Variants in IGF2 observed in about 807,000 individuals in gnomAD.
The protein encoded by IGF2 is insulin-like growth factor 2.
IGF2 carries 2 observed loss-of-function variants against 12.0 expected under a neutral mutation model. That is an observed-to-expected ratio of 0.17 (90% CI 0.07 to 0.52). IGF2 has a LOEUF of 0.52. IGF2 is among the 20% of genes least tolerant of loss of function. IGF2 has a pLI of 0.95. For missense variants in IGF2, 211 were observed against 268.0 expected (o/e 0.79, Z 1.48); for synonymous variants, 105 against 110.1 (o/e 0.95, Z 0.29).
At position 2,135,517 on chromosome 11, in the gene IGF2, T is replaced by A. The variant is rs1340808708; in HGVS notation, c.7A>T (p.Ile3Phe). Reference protein sequence around the residue: MGIPMGKSMLVLL... With the variant: MGFPMGKSMLVLL... ...ACCAGCATCGACTTCCCCATTGGGA[T>A]TCCCATTGGTGTCTGGGGGCGGGAG... is the stretch of plus-strand genomic sequence containing the variant. The change falls in exon 2 of 4, where the codon ATC (isoleucine) becomes TTC (phenylalanine). Residue 3 changes from isoleucine (I) to phenylalanine (F), a missense_variant. Transcript: ENST00000416167. 1 of 1,613,252 alleles carries A rather than the reference T, an allele frequency of 6.2e-7. No individual in the cohort carries two copies. The highest frequency in any genetic ancestry group is 8.5e-7 in the Non-Finnish European group (1 of 1,179,670).
chr11:2,134,324 C>A, intron 2 of IGF2: 1 of 356,194 alleles, frequency 2.8e-6, no homozygotes, highest in East Asian at 1.5e-4. Context: ...TCACGGGGGT[C>A]CCCCAAGTGG....
At chr11:2,136,805 C>T (rs1859092113) in intron 1 of IGF2, among the ~76,000 whole-genome samples, 1 of 152,254 alleles carries the variant, frequency 6.6e-6, no homozygotes, top group South Asian at 2.1e-4. Context: ...TAAGAGCACA[C>T]TCCGCCAGCT....
At chr11:2,137,854 G>C (rs1008038232) in intron 1 of IGF2, among the ~76,000 whole-genome samples, 2 of 152,102 alleles carry the variant, frequency 1.3e-5, no homozygotes, top group Non-Finnish European at 2.9e-5. Context: ...GCGGCTCCGC[G>C]CCCCTCCTCG....
rs1858741155 is a variant in IGF2, at chr11:2,133,208, A to G, written c.322T>C (p.Tyr108His). The G allele has an allele frequency of 6.4e-7, 1 of 1,554,352 alleles. No individual in the cohort carries two copies. Among genetic ancestry groups the G allele is most frequent in the African/African-American group, 1.4e-5 (1 of 73,380 alleles). Residue 108 changes from tyrosine (Y) to histidine (H), a missense_variant, in exon 4 of 4, where the codon TAC becomes CAC. Physicochemically the swap from Tyr to His is moderately conservative, Grantham distance 83. Around this residue, in one of 3 missense-constraint regions of IGF2, gnomAD observed 141 missense variants for 153.1 expected, o/e 0.92. Coordinates refer to ENST00000416167, the MANE Select transcript of IGF2 (RefSeq NM_000612.6). This position sits in a 1 kb window ranked among gnomAD's most constrained non-coding sequence, Gnocchi z 8.9. ...TATTGGAAGAACTTGCCCACGGGGT[A>G]TCTGGGGAAGTTGTCCTGGGAGGGG... Reference protein sequence around the residue: ...PTVLPDNFPRYPVGKFFQYDT... With the variant: ...PTVLPDNFPRHPVGKFFQYDT...
Position 2,133,003 on chromosome 11 carries a change from G to A in IGF2, c.527C>T (p.Ala176Val). ...PAHGGAPPEM[A>V]SNRK ...CAGTTTTGCTCACTTCCGATTGCTG[G>A]CCATCTCTGGGGGGGCGCCCCCGTG... is the stretch of plus-strand genomic sequence containing the variant. Residue 176 changes from alanine (A) to valine (V), a missense_variant, in exon 4 of 4, where the codon GCC (alanine) becomes GTC (valine). This residue lies in a region of IGF2 where 141 missense variants were observed against 153.1 expected (regional missense o/e 0.92). Transcript: ENST00000416167. This position sits in a 1 kb window ranked among gnomAD's most constrained non-coding sequence, Gnocchi z 8.9. The A allele has an allele frequency of 1.3e-6, 2 of 1,535,164 alleles. No homozygotes were observed. Among genetic ancestry groups the A allele is most frequent in the Non-Finnish European group, 1.8e-6 (2 of 1,141,190 alleles).
rs748117121 is a variant in IGF2 at position 2,133,566 on chromosome 11, G to T, written c.257C>A (p.Thr86Asn). 1.9e-6 allele frequency: 3 copies of T among 1,613,140 alleles called. No individual in the cohort carries two copies. The highest frequency in any genetic ancestry group is 1.7e-6 in the Non-Finnish European group (2 of 1,180,008). ...DLALLETYCA[T>N]PAKSERDVST... ...CACGTCCCTCTCGGACTTGGCGGGGGTAGCACAGTACGTCTCCAGGAGGGC... is the reference window on the plus strand; with the variant it reads ...CACGTCCCTCTCGGACTTGGCGGGGTTAGCACAGTACGTCTCCAGGAGGGC... Residue 86 changes from threonine to asparagine, a missense_variant, in exon 3 of 4, where the codon ACC becomes AAC. Around this residue, in one of 3 missense-constraint regions of IGF2, gnomAD observed 141 missense variants for 153.1 expected, o/e 0.92. Transcript: ENST00000416167. This position sits in a 1 kb window ranked among gnomAD's most constrained non-coding sequence, Gnocchi z 8.9.
At chr11:2,145,775 C>T (rs549711437), upstream of IGF2, among the ~76,000 whole-genome samples, 1 of 152,224 alleles carries the variant, frequency 6.6e-6, no homozygotes, top group Admixed American at 6.5e-5. Context: ...GAGTGCTCTC[C>T]TTATTTAGTC....
chr11:2,139,136 G>C lies in IGF2; in HGVS notation c.-914C>G, dbSNP rs1174741064. On this transcript the variant is annotated 5_prime_UTR_variant, in exon 1 of 4. Transcript: ENST00000416167. ...GGGGAACCGCCTCCTCGGGCGAAGCGGGGATGGGGGGAGTTGAGGTAGATG... is the reference window on the plus strand; with the variant it reads ...GGGGAACCGCCTCCTCGGGCGAAGCCGGGATGGGGGGAGTTGAGGTAGATG... 1 of 152,958 alleles carries C rather than the reference G, an allele frequency of 6.5e-6. No homozygotes were observed. The highest frequency in any genetic ancestry group is 1.4e-5 in the Non-Finnish European group (1 of 69,104). 9.5% of individuals were successfully genotyped at this position (152,958 alleles called of 1,614,324 possible).
rs1425335494 is a variant in IGF2 at position 2,133,161 on chromosome 11, G to A, written c.369C>T (p.Thr123=). The change falls in exon 4 of 4, where the codon ACC becomes ACT. Residue 123 remains threonine (T), a synonymous_variant. Coordinates refer to ENST00000416167, the MANE Select transcript of IGF2 (RefSeq NM_000612.6). The surrounding 1 kb of genome is among the most constrained non-coding windows in gnomAD (Gnocchi z 8.9). ...FFQYDTWKQS[T]QRLRRGLPAL... The stretch of plus-strand genomic sequence containing the variant: ...CAGGCAGGCCCCTGCGCAGGCGCTG[G>A]GTGGACTGCTTCCAGGTGTCATATT... 6 of 1,596,416 alleles carry A rather than the reference G, an allele frequency of 3.8e-6. No individual in the cohort carries two copies. The highest frequency in any genetic ancestry group is 1.7e-5 in the Admixed American group (1 of 57,344).
chr11:2,149,127 T>C, the IGF2 span: 4 of 1,612,872 alleles, frequency 2.5e-6, no homozygotes, highest in South Asian at 2.2e-5. Context: ...CCCAGTTACC[T>C]GTACTCTAGT....
In IGF2 at chr11:2,131,870, CGT is replaced by C. The variant is rs745570290; in HGVS notation, c.*1115_*1116del. 57 of 92,346 alleles carry C rather than the reference CGT, an allele frequency of 6.2e-4. No homozygotes were observed. Among genetic ancestry groups the C allele is most frequent in the Middle Eastern group, 0.016 (2 of 128 alleles). The allele number at this position is 92,346 out of a possible 1,614,324, so 5.7% of individuals were successfully genotyped here. ...TGTGCTCGTGTGTGTGCTGTGTGTGCGTGTGTGCTGTGCGTTTGTGTGTGCTG... is the reference window on the plus strand; with the variant it reads ...TGTGCTCGTGTGTGTGCTGTGTGTGCGTGTGCTGTGCGTTTGTGTGTGCTG... On this transcript the variant is annotated 3_prime_UTR_variant, in exon 4 of 4. Transcript: ENST00000416167.
At chr11:2,139,397 G>C (rs1457522611), upstream of IGF2, 3 of 148,284 alleles carry the variant, frequency 2.0e-5, no homozygotes, top group Non-Finnish European at 3.0e-5. Flanking sequence ...GGCGAACTGC[G>C]GGCGCCCACG....
At position 2,130,865 on chromosome 11, in the gene IGF2, T is replaced by G. The variant is rs935026808; in HGVS notation, c.*2122A>C. 72 of 166,182 alleles carry G rather than the reference T, an allele frequency of 4.3e-4. No homozygotes were observed. The highest frequency in any genetic ancestry group is 1.8e-3 in the African/African-American group (68 of 38,292). The allele number at this position is 166,182 out of a possible 1,614,324, so 10.3% of individuals were successfully genotyped here. A position where few individuals can be genotyped will look rare whatever the true frequency, so the allele number is the denominator to read the frequency against. On this transcript the variant is annotated 3_prime_UTR_variant, in exon 4 of 4. Coordinates refer to ENST00000416167, the MANE Select transcript of IGF2 (RefSeq NM_000612.6). ...CGAGGACTCCACATTTCTTGGGGGG[T>G]CCCCAGGAGACGGGCAAAGATGATC... is the stretch of plus-strand genomic sequence containing the variant.
chr11:2,147,732 C>A, the IGF2 span: 1 of 1,249,386 alleles, frequency 8.0e-7, no homozygotes, highest in South Asian at 4.1e-5. The surrounding 1 kb of genome is among the most constrained non-coding windows in gnomAD (Gnocchi z 7.2). Flanking sequence ...GCTGAGCTGG[C>A]AGCGATTCAG....
chr11:2,129,672 C>T lies in IGF2; in HGVS notation c.*3315G>A, dbSNP rs552284844. The T allele has an allele frequency of 6.3e-4, 147 of 231,650 alleles. No individual in the cohort carries two copies. The highest frequency in any genetic ancestry group is 2.4e-3 in the African/African-American group (109 of 45,360). The allele number at this position is 231,650 out of a possible 1,614,324, so 14.3% of individuals were successfully genotyped here. ...AATGGCCCACTCACAGGGCGCTTGCCGAGGGACCCTCTGCGACTGAGGCGG... is the reference window on the plus strand; with the variant it reads ...AATGGCCCACTCACAGGGCGCTTGCTGAGGGACCCTCTGCGACTGAGGCGG... On this transcript the variant is annotated 3_prime_UTR_variant, in exon 4 of 4. Transcript: ENST00000416167. This position sits in a 1 kb window ranked among gnomAD's most constrained non-coding sequence, Gnocchi z 8.1.
Position 2,131,977 on chromosome 11 carries a change from C to T in IGF2, c.*1010G>A, listed in dbSNP as rs1485704862. On this transcript the variant is annotated 3_prime_UTR_variant, in exon 4 of 4. Transcript: ENST00000416167. The stretch of plus-strand genomic sequence containing the variant: ...TGTGTGCTGTGTGTGCATGTGTGTG[C>T]GTGTGTGTGCTGTGCGTTTGTGTGT... The T allele has an allele frequency of 2.8e-4, 27 of 96,854 alleles. No homozygotes were observed. The highest frequency in any genetic ancestry group is 4.4e-4 in the Non-Finnish European group (24 of 55,028). The allele number at this position is 96,854 out of a possible 1,614,324, so 6.0% of individuals were successfully genotyped here.
rs1858632321 is a variant in IGF2, at chr11:2,131,992, CGT to C, written c.*993_*994del. On this transcript the variant is annotated 3_prime_UTR_variant, in exon 4 of 4. Transcript: ENST00000416167. ...CATGTGTGTGCGTGTGTGTGCTGTG[CGT>C]TTGTGTGTGTGCTGTGTGCTCATCT... The C allele has an allele frequency of 1.1e-5, 1 of 92,184 alleles. No individual in the cohort carries two copies. The highest frequency in any genetic ancestry group is 5.5e-5 in the African/African-American group (1 of 18,130). 5.7% of individuals were successfully genotyped at this position (92,184 alleles called of 1,614,324 possible). A position where few individuals can be genotyped will look rare whatever the true frequency, so the allele number is the denominator to read the frequency against.
Position 2,131,708 on chromosome 11 carries a change from GTGC to G in IGF2, c.*1276_*1278del. On this transcript the variant is annotated 3_prime_UTR_variant, in exon 4 of 4. Coordinates refer to ENST00000416167, the MANE Select transcript of IGF2 (RefSeq NM_000612.6). ...TGCTGTGTTTGTGTGTGTGCTGTGTGTGCTGTGTTCGTGTGTGCTGTGTTCGCG... is the reference window on the plus strand; with the variant it reads ...TGCTGTGTTTGTGTGTGTGCTGTGTGTGTGTTCGTGTGTGCTGTGTTCGCG... 4.5e-6 allele frequency: 1 copy of G among 222,998 alleles called. No individual in the cohort carries two copies. Among genetic ancestry groups the G allele is most frequent in the South Asian group, 1.9e-4 (1 of 5,318 alleles). The allele number at this position is 222,998 out of a possible 1,614,324, so 13.8% of individuals were successfully genotyped here.
chr11:2,133,312 G>C lies in IGF2; in HGVS notation c.307-89C>G, dbSNP rs1025955007. ...GCCTGACCTGACAGGCCACCCCTGT[G>C]ACTGATCAGTGACTTGAGCTAATGT... On this transcript the variant is annotated intron_variant, in intron 3 of 3. Transcript: ENST00000416167. The surrounding 1 kb of genome is among the most constrained non-coding windows in gnomAD (Gnocchi z 8.9). The C allele has an allele frequency of 9.3e-7, 1 of 1,069,654 alleles. No individual in the cohort carries two copies. The highest frequency in any genetic ancestry group is 1.3e-6 in the Non-Finnish European group (1 of 747,432). 66.3% of individuals were successfully genotyped at this position (1,069,654 alleles called of 1,614,324 possible). A position where few individuals can be genotyped will look rare whatever the true frequency, so the allele number is the denominator to read the frequency against.
Sources: gnomAD v4.1 joint callset for allele counts (sites outside exome capture counted in the v4.1 genomes callset) on GRCh38, gnomAD v4.1.1 for gene constraint, gnomAD v4.1.1 regional missense constraint, Gnocchi (gnomAD v3.1) non-coding constraint, MANE v1.5 for transcripts, NCBI Gene and HGNC (gene_info 2026-07-23, HGNC 2026-07-21) for gene names.